The following KCNJ10 variants were observed in gnomAD, a reference collection of about 807,000 sequenced individuals.
KCNJ10 encodes the protein ATP-sensitive inward rectifier potassium channel 10.
A neutral mutation model predicts 22.2 loss-of-function variants in KCNJ10; 9 were observed. The ratio of observed to expected loss-of-function variants is 0.40; its 90% CI spans 0.24 to 0.71. The LOEUF (loss-of-function observed/expected upper bound fraction) is 0.71, where lower values mean the gene tolerates loss of function less well. KCNJ10 is among the 30% of genes least tolerant of loss of function. KCNJ10 has a pLI of 0.35. For synonymous variants in KCNJ10, 184 were observed against 187.3 expected, an observed-to-expected ratio of 0.98 and a Z score of 0.15; for missense variants, 337 against 482.7, an observed-to-expected ratio of 0.70 and a Z score of 2.83.
At position 160,041,211 on chromosome 1, in the gene KCNJ10, G is replaced by A; in HGVS notation, c.*182C>T. 1 of 642,732 alleles carries A rather than the reference G, an allele frequency of 1.6e-6. No individual in the cohort carries two copies. The highest frequency in any genetic ancestry group is 1.8e-5 in the South Asian group (1 of 56,224). 39.8% of individuals were successfully genotyped at this position (642,732 alleles called of 1,614,324 possible). A position where few individuals can be genotyped will look rare whatever the true frequency, so the allele number is the denominator to read the frequency against. On this transcript the variant is annotated 3_prime_UTR_variant, in exon 2 of 2. Transcript: ENST00000644903. The surrounding 1 kb of genome is among the most constrained non-coding windows in gnomAD (Gnocchi z 4.4). ...GCAGAAGCTGGGGAAGTGGAAAGGG[G>A]ACAGTGGGAGGCGAACCTGGACTCC... is the stretch of plus-strand genomic sequence containing the variant.
At chr1:160,065,101 T>A (rs1266661976) in intron 1 of KCNJ10, 4 of 152,092 alleles carry the variant, frequency 2.6e-5, no homozygotes, top group Non-Finnish European at 5.9e-5. Context: ...GGAGCAACAA[T>A]GCTTAGAAGA....
At chr1:160,062,827 T>C (rs960900906) in intron 1 of KCNJ10, among the ~76,000 whole-genome samples, 3 of 151,916 alleles carry the variant, frequency 2.0e-5, no homozygotes, top group African/African-American at 7.3e-5. Flanking sequence ...AGGAAGGGCA[T>C]GTGCTCAGGG....
intron 1 of KCNJ10, among the ~76,000 whole-genome samples, chr1:160,054,883 G>A (rs1034214799): frequency 2.6e-5 from 4 of 152,246 alleles, no homozygotes; most frequent in Non-Finnish European, 5.9e-5. Context: ...CCAGGTTGCA[G>A]ATGGGGAGTG....
In KCNJ10 at chr1:160,054,880, GC is replaced by G. The variant is rs528163646; in HGVS notation, c.1-12349del. ...CTCTGCAGAGGGGGCTGACCAGGTTGCAGATGGGGAGTGTGGAAGTGGTGGA... is the reference window on the plus strand; with the variant it reads ...CTCTGCAGAGGGGGCTGACCAGGTTGAGATGGGGAGTGTGGAAGTGGTGGA... On this transcript the variant is annotated intron_variant, in intron 1 of 1. Coordinates refer to ENST00000644903, the MANE Select transcript of KCNJ10 (RefSeq NM_002241.5). Among the ~76,000 whole-genome samples, 187 of 152,354 alleles carry G rather than the reference GC, an allele frequency of 1.2e-3. 1 individual carries two copies. The highest frequency in any genetic ancestry group is 2.4e-3 in the Non-Finnish European group (166 of 68,032).
At position 160,041,548 on chromosome 1, in the gene KCNJ10, G is replaced by C; in HGVS notation, c.985C>G (p.Leu329Val). The change falls in exon 2 of 2, where the codon CTT becomes GTT. Residue 329 changes from leucine to valine, a missense_variant. Transcript: ENST00000644903. This position sits in a 1 kb window ranked among gnomAD's most constrained non-coding sequence, Gnocchi z 4.4. ...ASGKYIADFSLFDQVVKVASP... is the reference protein window; with the variant it reads ...ASGKYIADFSVFDQVVKVASP... Reference sequence around the variant, plus strand: ...GCCACTTTCACAACTTGGTCAAAAAGGCTAAAGTCAGCTATGTATTTACCA... The same window carrying C: ...GCCACTTTCACAACTTGGTCAAAAACGCTAAAGTCAGCTATGTATTTACCA... The C allele has an allele frequency of 6.2e-7, 1 of 1,614,166 alleles. No individual in the cohort carries two copies. Among genetic ancestry groups the C allele is most frequent in the East Asian group, 2.2e-5 (1 of 44,878 alleles).
In KCNJ10 at chr1:160,060,128, G is replaced by A. The variant is rs1358857153; in HGVS notation, c.-1+9894C>T. Among the ~76,000 whole-genome samples the A allele has an allele frequency of 2.0e-5, 3 of 152,044 alleles. No homozygotes were observed. The East Asian group carries it at 5.8e-4, about 29-fold the overall frequency. On this transcript the variant is annotated intron_variant, in intron 1 of 1. Coordinates refer to ENST00000644903, the MANE Select transcript of KCNJ10 (RefSeq NM_002241.5). ...TCTAGGGAGCTCACCATGACTCTGG[G>A]AGGCAATCTCTCTGCCCCCTCTCAA...
chr1:160,062,512 G>A (rs542982616), intron 1 of KCNJ10: 1 of 152,346 alleles, frequency 6.6e-6, no homozygotes, highest in South Asian at 2.1e-4. Flanking sequence ...GGAGATCTTG[G>A]CCCACAGGGG....
In KCNJ10 at chr1:160,041,233, C is replaced by G; in HGVS notation, c.*160G>C. 1.4e-6 allele frequency: 1 copy of G among 707,030 alleles called. No homozygotes were observed. The highest frequency in any genetic ancestry group is 2.4e-6 in the Non-Finnish European group (1 of 410,124). 43.8% of individuals were successfully genotyped at this position (707,030 alleles called of 1,614,324 possible). A position where few individuals can be genotyped will look rare whatever the true frequency, so the allele number is the denominator to read the frequency against. On this transcript the variant is annotated 3_prime_UTR_variant, in exon 2 of 2. Transcript: ENST00000644903. This position sits in a 1 kb window ranked among gnomAD's most constrained non-coding sequence, Gnocchi z 4.4. ...GGGGACAGTGGGAGGCGAACCTGGA[C>G]TCCAGTTGGCCTAAGCTACCAACAG...
intron 1 of KCNJ10, among the ~76,000 whole-genome samples, chr1:160,045,941 T>C (rs890865268): frequency 3.3e-5 from 5 of 152,220 alleles, no homozygotes; most frequent in Non-Finnish European, 5.9e-5. Context: ...TAAAGAGCAT[T>C]GTAACAATCA....
intron 1 of KCNJ10, among the ~76,000 whole-genome samples, chr1:160,058,776 A>G (rs1343106276): frequency 6.6e-6 from 1 of 152,134 alleles, no homozygotes; most frequent in African/African-American, 2.4e-5. Flanking sequence ...CACTTCACGC[A>G]TGCATCATGT....
At chr1:160,063,625 C>T (rs1649250330) in intron 1 of KCNJ10, 1 of 152,290 alleles carries the variant, frequency 6.6e-6, no homozygotes, top group Non-Finnish European at 1.5e-5. Flanking sequence ...TAGGACCTTG[C>T]TCCTCCACTC....
chr1:160,068,435 C>T (rs1017343192), intron 1 of KCNJ10, among the ~76,000 whole-genome samples: 13 of 152,112 alleles, frequency 8.5e-5, no homozygotes, highest in Middle Eastern at 3.2e-3. Flanking sequence ...GAGGCTGGAC[C>T]AGCCCAGATC....
intron 1 of KCNJ10, among the ~76,000 whole-genome samples, chr1:160,053,705 C>G (rs551305682): frequency 6.6e-6 from 1 of 152,216 alleles, no homozygotes; most frequent in East Asian, 1.9e-4. Context: ...TCCCCCTTTC[C>G]CTCCCATCCT....
At chr1:160,064,972 T>C (rs1489983625) in intron 1 of KCNJ10, 3 of 152,256 alleles carry the variant, frequency 2.0e-5, no homozygotes, top group Non-Finnish European at 4.4e-5. Context: ...TTATCCCCCT[T>C]TTTCATTCCA....
At chr1:160,055,888 C>T (rs1407128) in intron 1 of KCNJ10, among the ~76,000 whole-genome samples, 9,278 of 152,256 alleles carry the variant, frequency 0.061, 386 homozygotes, top group African/African-American at 0.12. Flanking sequence ...GTGGATTCCA[C>T]GTCACCTCTG....
rs2101924864 is a variant in KCNJ10 at position 160,041,928 on chromosome 1, T to C, written c.605A>G (p.Asn202Ser). The change falls in exon 2 of 2, where the codon AAT (asparagine) becomes AGT (serine). Residue 202 changes from asparagine (N) to serine (S), a missense_variant. By Grantham distance (46) the Asn-to-Ser change is conservative (BLOSUM62 1). This residue lies in a region of KCNJ10 where 165 missense variants were observed against 281.5 expected (regional missense o/e 0.59). Transcript: ENST00000644903. The surrounding 1 kb of genome is among the most constrained non-coding windows in gnomAD (Gnocchi z 4.4). ...GKPCLMIRVANMRKSLLIGCQ... is the reference protein window; with the variant it reads ...GKPCLMIRVASMRKSLLIGCQ... ...GCCAATGAGGAGGCTTTTGCGCATA[T>C]TGGCAACTCGGATCATGAGGCAGGG... 1 of 1,613,396 alleles carries C rather than the reference T, an allele frequency of 6.2e-7. No individual in the cohort carries two copies. Among genetic ancestry groups the C allele is most frequent in the South Asian group, 1.1e-5 (1 of 91,062 alleles).
chr1:160,049,678 TATATATATATATATATATATA>T (rs1648839261), intron 1 of KCNJ10, among the ~76,000 whole-genome samples: 12 of 51,986 alleles, frequency 2.3e-4, no homozygotes, highest in South Asian at 7.6e-4. Context: ...TATTTATTTA[TATATATATATATATATATATA>T]TATATATATA....
rs1648561260 is a variant in KCNJ10 at position 160,039,751 on chromosome 1, T to C, written c.*1642A>G. ...GCAAGGCTCTGTACATAGATGCATGTATATATTCTGTAGCTTGTAACAATT... is the reference window on the plus strand; with the variant it reads ...GCAAGGCTCTGTACATAGATGCATGCATATATTCTGTAGCTTGTAACAATT... On this transcript the variant is annotated 3_prime_UTR_variant, in exon 2 of 2. Transcript: ENST00000644903. The C allele has an allele frequency of 6.6e-6, 1 of 152,226 alleles. No homozygotes were observed. The highest frequency in any genetic ancestry group is 2.4e-5 in the African/African-American group (1 of 41,456). 9.4% of individuals were successfully genotyped at this position (152,226 alleles called of 1,614,324 possible).
rs985870982 is a variant in KCNJ10, at chr1:160,041,688, A to T, written c.845T>A (p.Ile282Asn). The change falls in exon 2 of 2, where the codon ATC becomes AAC. Residue 282 changes from isoleucine to asparagine, a missense_variant. Ile to Asn is a moderately radical substitution (Grantham distance 149). This residue lies in a region of KCNJ10 where 165 missense variants were observed against 281.5 expected (regional missense o/e 0.59). Transcript: ENST00000644903. The surrounding 1 kb of genome is among the most constrained non-coding windows in gnomAD (Gnocchi z 4.4). Reference protein sequence around the residue: ...SGEGDFELVLILSGTVESTSA... With the variant: ...SGEGDFELVLNLSGTVESTSA... The stretch of plus-strand genomic sequence containing the variant: ...GGTGGACTCCACTGTCCCACTTAGG[A>T]TCAGCACCAGCTCAAAGTCACCCTC... 1 of 1,614,036 alleles carries T rather than the reference A, an allele frequency of 6.2e-7. No individual in the cohort carries two copies. The highest frequency in any genetic ancestry group is 8.5e-7 in the Non-Finnish European group (1 of 1,180,032).
Sources: gnomAD v4.1 joint callset for allele counts (sites outside exome capture counted in the v4.1 genomes callset) on GRCh38, gnomAD v4.1.1 for gene constraint, gnomAD v4.1.1 regional missense constraint, Gnocchi (gnomAD v3.1) non-coding constraint, MANE v1.5 for transcripts, NCBI Gene and HGNC (gene_info 2026-07-23, HGNC 2026-07-21) for gene names.